CCSER1: variants seen among roughly 807,000 people sequenced by gnomAD.
The protein encoded by CCSER1 is serine-rich coiled-coil domain-containing protein 1.
In CCSER1, 41 loss-of-function variants were observed where a neutral mutation model predicts 82.0. The ratio of observed to expected loss-of-function variants is 0.50; its 90% CI spans 0.39 to 0.65. CCSER1 has a LOEUF of 0.65. Ranked by LOEUF, CCSER1 falls within the 30% of genes least tolerant of loss-of-function variation. The pLI, the probability that CCSER1 is intolerant of heterozygous loss-of-function variation, is 0.00. For missense variants in CCSER1, 1,119 were observed against 1,064.2 expected, an observed-to-expected ratio of 1.05 and a Z score of -0.72; for synonymous variants, 414 against 383.9, an observed-to-expected ratio of 1.08 and a Z score of -0.92.
intron 1 of CCSER1, among the ~76,000 whole-genome samples, chr4:90,246,932 C>T (rs1055629344): frequency 1.3e-5 from 2 of 151,880 alleles, no homozygotes; most frequent in Non-Finnish European, 2.9e-5. Flanking sequence ...TTTGCGGCTT[C>T]TCTTTGACAT....
At chr4:90,380,239 A>G (rs1372597154) in intron 3 of CCSER1, among the ~76,000 whole-genome samples, 1 of 152,176 alleles carries the variant, frequency 6.6e-6, no homozygotes, top group Admixed American at 6.6e-5. Context: ...AACAAAAATA[A>G]GTGATACTTT....
At chr4:90,972,692 G>A (rs1332045729) in intron 9 of CCSER1, among the ~76,000 whole-genome samples, 2 of 151,566 alleles carry the variant, frequency 1.3e-5, no homozygotes, top group African/African-American at 2.4e-5. Flanking sequence ...ATCATAACAG[G>A]TACAGAATAC....
At position 91,140,195 on chromosome 4, in the gene CCSER1, A is replaced by C. The variant is rs146511914; in HGVS notation, c.2217+54201A>C. Among the ~76,000 whole-genome samples, 5 of 152,100 alleles carry C rather than the reference A, an allele frequency of 3.3e-5. No homozygotes were observed. In the East Asian group the frequency reaches 9.6e-4, roughly 29 times the overall value. On this transcript the variant is annotated intron_variant, in intron 10 of 10. Coordinates refer to ENST00000509176, the MANE Select transcript of CCSER1 (RefSeq NM_001145065.2). The stretch of plus-strand genomic sequence containing the variant: ...ATTAGAAAAATTGTTCCCTTCCTTG[A>C]ACCACACCATTTATATTTGGTAATA...
chr4:91,196,178 CAAAA>C (rs61336014), intron 10 of CCSER1, among the ~76,000 whole-genome samples: 4 of 60,822 alleles, frequency 6.6e-5, no homozygotes, highest in Admixed American at 3.5e-4. Context: ...AACAGCGAGA[CAAAA>C]AAAAAAAAAA....
chr4:91,474,785 GTGTATA>G (rs1318659232), intron 10 of CCSER1, among the ~76,000 whole-genome samples: 156 of 54,368 alleles, frequency 2.9e-3, no homozygotes, highest in South Asian at 6.5e-3. Flanking sequence ...ATATATATTT[GTGTATA>G]TATATATATA....
intron 1 of CCSER1, among the ~76,000 whole-genome samples, chr4:90,173,626 C>A (rs17016600): frequency 5.3e-5 from 8 of 151,874 alleles, no homozygotes; most frequent in Non-Finnish European, 8.8e-5. Flanking sequence ...GGTGAGCAAT[C>A]CAAGAGGCGG....
In CCSER1 at chr4:90,695,787, AT is replaced by A. The variant is rs568589038; in HGVS notation, c.1933-28121del. Reference sequence around the variant, plus strand: ...TTAATACCCTAGTAATGATATTTATATTTTTTCAAGGAATTTTTTTACATTG... The same window carrying A: ...TTAATACCCTAGTAATGATATTTATATTTTTCAAGGAATTTTTTTACATTG... On this transcript the variant is annotated intron_variant, in intron 6 of 10. Coordinates refer to ENST00000509176, the MANE Select transcript of CCSER1 (RefSeq NM_001145065.2). Among the ~76,000 whole-genome samples the A allele has an allele frequency of 5.5e-4, 84 of 152,058 alleles. 1 individual carries two copies. The highest frequency in any genetic ancestry group is 1.8e-3 in the African/African-American group (73 of 41,532).
chr4:91,261,059 G>A (rs1367104252), intron 10 of CCSER1, among the ~76,000 whole-genome samples: 4 of 152,142 alleles, frequency 2.6e-5, no homozygotes, highest in Admixed American at 6.5e-5. Context: ...CACCACGCCC[G>A]GCTTCCCTAG....
intron 10 of CCSER1, among the ~76,000 whole-genome samples, chr4:91,104,396 C>T (rs187501074): frequency 3.9e-5 from 6 of 152,232 alleles, no homozygotes; most frequent in African/African-American, 9.6e-5. Flanking sequence ...ACGGTCCTAC[C>T]GATATGTGAT....
intron 1 of CCSER1, among the ~76,000 whole-genome samples, chr4:90,271,836 A>ATG (rs1726355001): frequency 5.6e-5 from 1 of 17,704 alleles, no homozygotes; most frequent in Non-Finnish European, 9.1e-5. Flanking sequence ...TTATATATAT[A>ATG]TATATATATA....
At chr4:91,296,483 A>ATATATATATATATATATATATTATT (rs1175690764) in intron 10 of CCSER1, among the ~76,000 whole-genome samples, 15 of 124,038 alleles carry the variant, frequency 1.2e-4, no homozygotes, top group African/African-American at 3.1e-4. Context: ...ATATATATAT[A>ATATATATATATATATATATATTATT]TATTTTAATT....
Position 91,085,846 on chromosome 4 carries a change from C to T in CCSER1, c.2173-104C>T, listed in dbSNP as rs115266596. The T allele has an allele frequency of 2.8e-3, 2,020 of 713,702 alleles. 25 individuals are homozygous for T. The African/African-American group carries it at 0.032, about 11-fold the overall frequency. The allele number at this position is 713,702 out of a possible 1,614,324, so 44.2% of individuals were successfully genotyped here. On this transcript the variant is annotated intron_variant, in intron 9 of 10. Coordinates refer to ENST00000509176, the MANE Select transcript of CCSER1 (RefSeq NM_001145065.2). ...ATCTATATTCAGATCTTCTTTGTTA[C>T]GAATAAGTGAATTATTTCCTTTATT...
chr4:90,424,508 T>G (rs939567500), intron 4 of CCSER1, among the ~76,000 whole-genome samples: 2 of 152,202 alleles, frequency 1.3e-5, no homozygotes, highest in African/African-American at 4.8e-5. Flanking sequence ...CTTTATTGTT[T>G]TATGCCTATA....
intron 9 of CCSER1, among the ~76,000 whole-genome samples, chr4:90,942,079 C>T: frequency 6.6e-6 from 1 of 152,076 alleles, no homozygotes; most frequent in East Asian, 1.9e-4. Context: ...TTCCAAGTAG[C>T]TGGGACTAGA....
At chr4:91,428,748 G>T (rs564863428) in intron 10 of CCSER1, among the ~76,000 whole-genome samples, 1 of 152,028 alleles carries the variant, frequency 6.6e-6, no homozygotes, top group South Asian at 2.1e-4. Flanking sequence ...TAGATTTATA[G>T]GTATTGATAA....
chr4:90,767,435 C>CT (rs1751413896), intron 7 of CCSER1, among the ~76,000 whole-genome samples: 1 of 152,018 alleles, frequency 6.6e-6, no homozygotes, highest in Admixed American at 6.6e-5. Flanking sequence ...TACCTTTGAC[C>CT]TTTTTCTCAC....
chr4:90,838,109 A>G (rs544775884), intron 8 of CCSER1, among the ~76,000 whole-genome samples: 1 of 152,020 alleles, frequency 6.6e-6, no homozygotes. Flanking sequence ...ATCAAAATTT[A>G]AAGGAAGACT....
At chr4:91,293,939 C>T (rs565236128) in intron 10 of CCSER1, among the ~76,000 whole-genome samples, 41 of 152,040 alleles carry the variant, frequency 2.7e-4, no homozygotes, top group Admixed American at 1.7e-3. Flanking sequence ...AAGCTTTCCT[C>T]TGGCCTTTCA....
At chr4:91,160,628 G>T (rs1365211473) in intron 10 of CCSER1, among the ~76,000 whole-genome samples, 1 of 152,076 alleles carries the variant, frequency 6.6e-6, no homozygotes, top group African/African-American at 2.4e-5. Context: ...GTTTTGATTT[G>T]CATTTCTCTG....
Sources: allele counts gnomAD v4.1 joint callset (sites outside exome capture counted in the v4.1 genomes callset), GRCh38; gene constraint gnomAD v4.1.1; transcripts MANE v1.5; gene names NCBI Gene and HGNC (gene_info 2026-07-23, HGNC 2026-07-21).